LANCL3: variants seen among roughly 807,000 people sequenced by gnomAD.
LANCL3 encodes LanC like family member 3.
LANCL3 carries 19 observed loss-of-function variants against 26.5 expected under a neutral mutation model. The ratio of observed to expected loss-of-function variants is 0.72; its 90% confidence interval spans 0.50 to 1.05. LANCL3 has a LOEUF of 1.05. LANCL3 is among the 50% of genes least tolerant of loss of function. The pLI is 0.00. For synonymous variants in LANCL3, 160 were observed against 166.6 expected (o/e 0.96, Z 0.30); for missense variants, 318 against 362.7 (o/e 0.88, Z 1.00).
intron 1 of LANCL3, among the ~76,000 whole-genome samples, chrX:37,608,020 GA>G (rs1284191644): frequency 8.9e-6 from 1 of 112,040 alleles, no homozygotes; most frequent in Non-Finnish European, 1.9e-5. Context: ...AATCTGACAT[GA>G]AAAAAATGGA....
At chrX:37,598,382 G>A (rs1364846481) in intron 1 of LANCL3, among the ~76,000 whole-genome samples, 2 of 111,726 alleles carry the variant, frequency 1.8e-5, no homozygotes, top group African/African-American at 6.5e-5. Flanking sequence ...CCTGGGCCAG[G>A]TCCTAGGCAT....
chrX:37,671,718 T>G (rs1926687860), intron 4 of LANCL3, among the ~76,000 whole-genome samples: 1 of 111,981 alleles, frequency 8.9e-6, no homozygotes, highest in Non-Finnish European at 1.9e-5. Flanking sequence ...AGTCAGACTT[T>G]CACTCAAAAG....
intron 1 of LANCL3, among the ~76,000 whole-genome samples, chrX:37,639,089 G>C (rs1556425627): frequency 9.4e-6 from 1 of 106,918 alleles, no homozygotes; most frequent in Non-Finnish European, 1.9e-5. Flanking sequence ...TAAAGCTGCT[G>C]TACATATTCT....
intron 1 of LANCL3, among the ~76,000 whole-genome samples, chrX:37,586,679 G>A (rs1556418083): frequency 8.9e-6 from 1 of 111,736 alleles, no homozygotes; most frequent in Non-Finnish European, 1.9e-5. Flanking sequence ...TACACTAGTT[G>A]TTCTAGTTAG....
At chrX:37,629,713 C>T (rs868918437) in intron 1 of LANCL3, among the ~76,000 whole-genome samples, 1 of 111,033 alleles carries the variant, frequency 9.0e-6, no homozygotes, top group South Asian at 3.8e-4. Flanking sequence ...GGAATCCTTT[C>T]CCCATTGCTT....
intron 1 of LANCL3, among the ~76,000 whole-genome samples, chrX:37,649,540 A>G (rs1926081785): frequency 8.9e-6 from 1 of 111,859 alleles, no homozygotes; most frequent in Non-Finnish European, 1.9e-5. Context: ...TATGTAACAA[A>G]CCTGCACATT....
intron 1 of LANCL3, among the ~76,000 whole-genome samples, chrX:37,608,674 C>T (rs1296687690): frequency 8.9e-6 from 1 of 111,743 alleles, no homozygotes; most frequent in Non-Finnish European, 1.9e-5. Context: ...TCTTGCCTGG[C>T]TCAGAATTAT....
chrX:37,586,698 C>T (rs1328599067), intron 1 of LANCL3, among the ~76,000 whole-genome samples: 2 of 111,794 alleles, frequency 1.8e-5, no homozygotes, highest in African/African-American at 3.3e-5. Flanking sequence ...AGCCATTCAT[C>T]TAATCTTCTT....
intron 1 of LANCL3, among the ~76,000 whole-genome samples, chrX:37,590,388 G>A (rs1399226656): frequency 1.8e-5 from 2 of 112,379 alleles, no homozygotes; most frequent in Admixed American, 9.4e-5. Context: ...GGTTAATACA[G>A]TTAAGGATTC....
At chrX:37,587,228 G>C (rs1256985960) in intron 1 of LANCL3, among the ~76,000 whole-genome samples, 7 of 112,804 alleles carry the variant, frequency 6.2e-5, no homozygotes, top group African/African-American at 1.6e-4. Flanking sequence ...CTCCCAGTTA[G>C]CCTACTCAGG....
At chrX:37,585,202 T>A (rs1486963681) in intron 1 of LANCL3, among the ~76,000 whole-genome samples, 11 of 111,470 alleles carry the variant, frequency 9.9e-5, no homozygotes, top group African/African-American at 2.0e-4. Context: ...TGCTGAGGAG[T>A]GCTTTACTTC....
At chrX:37,574,466 G>T (rs1252044679) in intron 1 of LANCL3, among the ~76,000 whole-genome samples, 2 of 111,516 alleles carry the variant, frequency 1.8e-5, no homozygotes, top group Non-Finnish European at 3.8e-5. Context: ...ACATTACTGG[G>T]CACATCTTTG....
chrX:37,661,007 CG>C (rs200905586), intron 3 of LANCL3, among the ~76,000 whole-genome samples: 5 of 97,613 alleles, frequency 5.1e-5, no homozygotes, highest in East Asian at 2.9e-4. Flanking sequence ...TTTTTGTGGG[CG>C]GGGGGGGAAC....
chrX:37,587,913 T>A (rs185846860), intron 1 of LANCL3, among the ~76,000 whole-genome samples: 115 of 112,594 alleles, frequency 1.0e-3, no homozygotes, highest in African/African-American at 3.6e-3. Context: ...AGACTGGAGC[T>A]GTTCCTATTT....
chrX:37,583,373 T>C (rs1369542421), intron 1 of LANCL3, among the ~76,000 whole-genome samples: 2 of 112,132 alleles, frequency 1.8e-5, no homozygotes, highest in Non-Finnish European at 3.8e-5. Flanking sequence ...GGTAGCTTGA[T>C]GGGGATGGCA....
intron 4 of LANCL3, 110 bp downstream of exon 4, chrX:37,667,599 A>G (rs1050109686): frequency 5.2e-6 from 3 of 572,909 alleles, no homozygotes; most frequent in South Asian, 5.0e-5. Context: ...AAATACATCA[A>G]CTGTGCCTTG....
At chrX:37,631,653 C>G (rs1925516881) in intron 1 of LANCL3, among the ~76,000 whole-genome samples, 1 of 111,139 alleles carries the variant, frequency 9.0e-6, no homozygotes, top group African/African-American at 3.3e-5. Context: ...TATGTTGTGT[C>G]TTTGTTCTCG....
intron 1 of LANCL3, among the ~76,000 whole-genome samples, chrX:37,653,294 GCACACA>G (rs781985535): frequency 1.8e-5 from 2 of 108,796 alleles, no homozygotes; most frequent in East Asian, 5.7e-4. Context: ...ACACAGACAT[GCACACA>G]CACACACACA....
At chrX:37,649,292 A>G (rs1926067167) in intron 1 of LANCL3, among the ~76,000 whole-genome samples, 1 of 112,152 alleles carries the variant, frequency 8.9e-6, no homozygotes, top group Admixed American at 9.4e-5. Context: ...GAATGAGATC[A>G]TGTCCTTTGC....
Sources: allele counts gnomAD v4.1 joint callset (sites outside exome capture counted in the v4.1 genomes callset), GRCh38; gene constraint gnomAD v4.1.1; transcripts MANE v1.5; gene names NCBI Gene and HGNC (gene_info 2026-07-23, HGNC 2026-07-21).